ZNF660: variants seen among roughly 807,000 people sequenced by gnomAD.
The protein encoded by ZNF660 is zinc finger protein 660.
ZNF660 carries 24 observed loss-of-function variants against 23.2 expected under a neutral mutation model. That is an observed-to-expected ratio of 1.04 (90% CI 0.75 to 1.46). The LOEUF (loss-of-function observed/expected upper bound fraction) is 1.46, where lower values mean the gene tolerates loss of function less well. ZNF660 is among the 40% of genes most tolerant of loss of function. ZNF660 has a pLI of 0.00. For synonymous variants in ZNF660, 117 were observed against 131.4 expected (o/e 0.89, Z 0.75); for missense variants, 373 against 396.8 (o/e 0.94, Z 0.51).
Position 44,597,491 on chromosome 3 carries a change from T to C in ZNF660, c.*2302T>C, listed in dbSNP as rs1559445559. 1 of 152,142 alleles carries C rather than the reference T, an allele frequency of 6.6e-6. No homozygotes were observed. The allele number at this position is 152,142 out of a possible 1,614,324, so 9.4% of individuals were successfully genotyped here. On this transcript the variant is annotated 3_prime_UTR_variant, in exon 3 of 3. Coordinates refer to ENST00000322734, the MANE Select transcript of ZNF660 (RefSeq NM_173658.4). The surrounding 1 kb of genome is among the most constrained non-coding windows in gnomAD (Gnocchi z 4.1). ...AAAAAAAATTACTGATTTTGTCCTATTTTGATAGGATAGTGGTTTGCACAT... is the reference window on the plus strand; with the variant it reads ...AAAAAAAATTACTGATTTTGTCCTACTTTGATAGGATAGTGGTTTGCACAT...
At chr3:44,592,762 G>C (rs937112492) in intron 2 of ZNF660, among the ~76,000 whole-genome samples, 7 of 152,100 alleles carry the variant, frequency 4.6e-5, no homozygotes, top group African/African-American at 1.7e-4. Flanking sequence ...ATATAAAACT[G>C]GATCCAACTG....
Position 44,595,346 on chromosome 3 carries a change from C to A in ZNF660, c.*157C>A. 1 of 781,410 alleles carries A rather than the reference C, an allele frequency of 1.3e-6. No homozygotes were observed. The highest frequency in any genetic ancestry group is 1.9e-6 in the Non-Finnish European group (1 of 529,464). The allele number at this position is 781,410 out of a possible 1,614,324, so 48.4% of individuals were successfully genotyped here. On this transcript the variant is annotated 3_prime_UTR_variant, in exon 3 of 3. Coordinates refer to ENST00000322734, the MANE Select transcript of ZNF660 (RefSeq NM_173658.4). ...ATGAAAGGGATGTTCATGACAGCAT[C>A]ATATACGACTGAAAGAAGAAAACTA...
At position 44,594,672 on chromosome 3, in the gene ZNF660, A is replaced by G; in HGVS notation, c.479A>G (p.Lys160Arg). The change falls in exon 3 of 3, where the codon AAG (lysine) becomes AGG (arginine). Residue 160 changes from lysine (K) to arginine (R), a missense_variant. Lys to Arg is a conservative substitution (Grantham distance 26). Transcript: ENST00000322734. ...ISHHRVHTGE[K>R]PYSCIECGKA... Reference sequence around the variant, plus strand: ...CATCACAGAGTTCACACCGGAGAGAAGCCCTATTCTTGTATTGAGTGTGGG... The same window carrying G: ...CATCACAGAGTTCACACCGGAGAGAGGCCCTATTCTTGTATTGAGTGTGGG... The G allele has an allele frequency of 6.2e-7, 1 of 1,613,750 alleles. No homozygotes were observed. Among genetic ancestry groups the G allele is most frequent in the Non-Finnish European group, 8.5e-7 (1 of 1,179,940 alleles).
In ZNF660 at chr3:44,597,894, C is replaced by T. The variant is rs1289368367; in HGVS notation, c.*2705C>T. 1 of 152,206 alleles carries T rather than the reference C, an allele frequency of 6.6e-6. No homozygotes were observed. Among genetic ancestry groups the T allele is most frequent in the Non-Finnish European group, 1.5e-5 (1 of 68,056 alleles). 9.4% of individuals were successfully genotyped at this position (152,206 alleles called of 1,614,324 possible). A position where few individuals can be genotyped will look rare whatever the true frequency, so the allele number is the denominator to read the frequency against. The stretch of plus-strand genomic sequence containing the variant: ...CCATCACCCATCTTCTAGGCTAATA[C>T]CTGCCTTGAGCTGTAGGAATAAACA... On this transcript the variant is annotated 3_prime_UTR_variant, in exon 3 of 3. Transcript: ENST00000322734. The surrounding 1 kb of genome is among the most constrained non-coding windows in gnomAD (Gnocchi z 4.1).
At chr3:44,593,972 C>A (rs1219216505) in intron 2 of ZNF660, 42 bp from the exon 3 acceptor site, 2 of 653,186 alleles carry the variant, frequency 3.1e-6, no homozygotes, top group Non-Finnish European at 5.7e-6. Flanking sequence ...TCCTCTGGTA[C>A]AGAGAATAGG....
intron 2 of ZNF660, among the ~76,000 whole-genome samples, chr3:44,587,909 G>C (rs2125744885): frequency 6.6e-6 from 1 of 152,282 alleles, no homozygotes. Flanking sequence ...CAAAAAATTA[G>C]CTGGGCGTGG....
In ZNF660 at chr3:44,599,454, T is replaced by A. The variant is rs1161191070; in HGVS notation, c.*4265T>A. The A allele has an allele frequency of 6.6e-6, 1 of 152,214 alleles. No homozygotes were observed. The highest frequency in any genetic ancestry group is 1.5e-5 in the Non-Finnish European group (1 of 68,030). The allele number at this position is 152,214 out of a possible 1,614,324, so 9.4% of individuals were successfully genotyped here. On this transcript the variant is annotated 3_prime_UTR_variant, in exon 3 of 3. Transcript: ENST00000322734. Reference sequence around the variant, plus strand: ...TAACTGAGTAATTAGGATTAATTAGTAGCTGTTGAATCTAAATCCCTTAAG... The same window carrying A: ...TAACTGAGTAATTAGGATTAATTAGAAGCTGTTGAATCTAAATCCCTTAAG...
In ZNF660 at chr3:44,594,685, T is replaced by C. The variant is rs777071198; in HGVS notation, c.492T>C (p.Cys164=). ...ACACCGGAGAGAAGCCCTATTCTTG[T>C]ATTGAGTGTGGGAAAGCCTTTAGCC... ...RVHTGEKPYS[C]IECGKAFSRS... is the part of the protein sequence containing the mutation. Residue 164 remains cysteine (C), a synonymous_variant, in exon 3 of 3, where the codon TGT becomes TGC. Coordinates refer to ENST00000322734, the MANE Select transcript of ZNF660 (RefSeq NM_173658.4). The C allele has an allele frequency of 3.8e-5, 62 of 1,614,010 alleles. 1 individual carries two copies. The South Asian group carries it at 6.4e-4, about 17-fold the overall frequency.
rs572820848 is a variant in ZNF660, at chr3:44,594,711, G to A, written c.518G>A (p.Arg173His). The change falls in exon 3 of 3, where the codon CGT (arginine) becomes CAT (histidine). Residue 173 changes from arginine (R) to histidine (H), a missense_variant. Physicochemically the swap from Arg to His is conservative, Grantham distance 29. Coordinates refer to ENST00000322734, the MANE Select transcript of ZNF660 (RefSeq NM_173658.4). ...SCIECGKAFS[R>H]SSNLTQHQRM... Reference sequence around the variant, plus strand: ...ATTGAGTGTGGGAAAGCCTTTAGCCGTAGTTCAAACCTTACTCAACATCAG... The same window carrying A: ...ATTGAGTGTGGGAAAGCCTTTAGCCATAGTTCAAACCTTACTCAACATCAG... 1.7e-5 allele frequency: 28 copies of A among 1,613,306 alleles called. No homozygotes were observed. The highest frequency in any genetic ancestry group is 1.1e-4 in the East Asian group (5 of 44,742).
In ZNF660 at chr3:44,599,036, C is replaced by G. The variant is rs1700713781; in HGVS notation, c.*3847C>G. 1 of 151,982 alleles carries G rather than the reference C, an allele frequency of 6.6e-6. No individual in the cohort carries two copies. The highest frequency in any genetic ancestry group is 2.1e-4 in the South Asian group (1 of 4,822). 9.4% of individuals were successfully genotyped at this position (151,982 alleles called of 1,614,324 possible). A position where few individuals can be genotyped will look rare whatever the true frequency, so the allele number is the denominator to read the frequency against. On this transcript the variant is annotated 3_prime_UTR_variant, in exon 3 of 3. Coordinates refer to ENST00000322734, the MANE Select transcript of ZNF660 (RefSeq NM_173658.4). ...GTACAAAACAAAAAACCCACAAAAA[C>G]CCAACCCAGTGCTTTTGAAATATAT...
At chr3:44,593,689 CAA>C (rs397874775) in intron 2 of ZNF660, among the ~76,000 whole-genome samples, 217 of 92,570 alleles carry the variant, frequency 2.3e-3, no homozygotes, top group Middle Eastern at 6.9e-3. Context: ...CACTCCATCT[CAA>C]AAAAAAAAAA....
chr3:44,590,191 A>G (rs192150311), intron 2 of ZNF660, among the ~76,000 whole-genome samples: 1 of 151,976 alleles, frequency 6.6e-6, no homozygotes, highest in East Asian at 1.9e-4. Flanking sequence ...ATGATATTTC[A>G]TGCTTGTATT....
intron 2 of ZNF660, among the ~76,000 whole-genome samples, chr3:44,588,166 G>C (rs571185055): frequency 6.6e-6 from 1 of 152,200 alleles, no homozygotes; most frequent in African/African-American, 2.4e-5. Context: ...CACGGTGCCA[G>C]CATCTGTTCA....
chr3:44,589,634 G>A (rs757055150), intron 2 of ZNF660, among the ~76,000 whole-genome samples: 5 of 152,078 alleles, frequency 3.3e-5, no homozygotes, highest in African/African-American at 4.8e-5. Flanking sequence ...GAATAGCAAG[G>A]TACAAAAAAG....
At chr3:44,589,497 G>T (rs1325247810) in intron 2 of ZNF660, among the ~76,000 whole-genome samples, 1 of 152,170 alleles carries the variant, frequency 6.6e-6, no homozygotes, top group East Asian at 1.9e-4. Context: ...ATTTCATTAA[G>T]CTGAGAGAAA....
At chr3:44,586,735 T>G (rs1367938031) in intron 2 of ZNF660, 1 of 152,248 alleles carries the variant, frequency 6.6e-6, no homozygotes, top group Non-Finnish European at 1.5e-5. Flanking sequence ...GATTTGGCTC[T>G]CAGCATCCCT....
Position 44,597,110 on chromosome 3 carries a change from T to C in ZNF660, c.*1921T>C, listed in dbSNP as rs1348871936. On this transcript the variant is annotated 3_prime_UTR_variant, in exon 3 of 3. Transcript: ENST00000322734. This position sits in a 1 kb window ranked among gnomAD's most constrained non-coding sequence, Gnocchi z 4.1. ...TATTATACAAGAAAATTGAGTGTCA[T>C]TGAGGTTAGGTGACTGGCTAGTAAG... 2 of 152,248 alleles carry C rather than the reference T, an allele frequency of 1.3e-5. No homozygotes were observed. Among genetic ancestry groups the C allele is most frequent in the Admixed American group, 6.5e-5 (1 of 15,286 alleles). The allele number at this position is 152,248 out of a possible 1,614,324, so 9.4% of individuals were successfully genotyped here.
At position 44,598,551 on chromosome 3, in the gene ZNF660, C is replaced by G. The variant is rs1248877455; in HGVS notation, c.*3362C>G. 2 of 152,242 alleles carry G rather than the reference C, an allele frequency of 1.3e-5. No homozygotes were observed. Among genetic ancestry groups the G allele is most frequent in the Non-Finnish European group, 2.9e-5 (2 of 68,130 alleles). 9.4% of individuals were successfully genotyped at this position (152,242 alleles called of 1,614,324 possible). A position where few individuals can be genotyped will look rare whatever the true frequency, so the allele number is the denominator to read the frequency against. On this transcript the variant is annotated 3_prime_UTR_variant, in exon 3 of 3. Coordinates refer to ENST00000322734, the MANE Select transcript of ZNF660 (RefSeq NM_173658.4). ...GCGTGATATCGGCTCACTGCAACCT[C>G]TGCCTCCTGGGTTCAAGCGATTCTC...
intron 2 of ZNF660, among the ~76,000 whole-genome samples, chr3:44,588,421 A>G (rs1391625466): frequency 6.6e-6 from 1 of 152,172 alleles, no homozygotes; most frequent in Non-Finnish European, 1.5e-5. Context: ...ATAGAAGATT[A>G]CATTTCAATG....
Sources: allele counts gnomAD v4.1 joint callset (sites outside exome capture counted in the v4.1 genomes callset), GRCh38; gene constraint gnomAD v4.1.1; non-coding constraint Gnocchi (gnomAD v3.1); transcripts MANE v1.5; gene names NCBI Gene and HGNC (gene_info 2026-07-23, HGNC 2026-07-21).